The following HAUS4 variants were observed in gnomAD, a reference collection of about 807,000 sequenced individuals.
HAUS4 encodes HAUS augmin-like complex subunit 4.
HAUS4 carries 34 observed loss-of-function variants against 50.6 expected under a neutral mutation model. That is an observed-to-expected ratio of 0.67 (90% CI 0.51 to 0.90). HAUS4 has a LOEUF of 0.90. Among genes scored for constraint, HAUS4 ranks in the 40% least tolerant of loss-of-function variants. The probability of loss-of-function intolerance (pLI) is 0.00; values close to 1 mark genes in which losing one functional copy is unlikely to be tolerated. For missense variants in HAUS4, 370 were observed against 428.7 expected, an observed-to-expected ratio of 0.86 and a Z score of 1.21; for synonymous variants, 149 against 161.4, an observed-to-expected ratio of 0.92 and a Z score of 0.58.
intron 8 of HAUS4, 143 bp from the exon 9 acceptor site, chr14:22,947,382 T>A (rs2044664286): frequency 1.4e-5 from 10 of 740,614 alleles, no homozygotes; most frequent in Non-Finnish European, 2.3e-5. Flanking sequence ...TCCCGAGCAA[T>A]TGATCTCACA....
At chr14:22,950,151 A>C (rs1363498372) in intron 6 of HAUS4, among the ~76,000 whole-genome samples, 163 bp downstream of exon 6, 1 of 151,596 alleles carries the variant, frequency 6.6e-6, no homozygotes, top group East Asian at 1.9e-4. Flanking sequence ...AAACAAAAAA[A>C]CAAAAAGTCC....
At position 22,946,769 on chromosome 14, in the gene HAUS4, A is replaced by G. The variant is rs2044649570; in HGVS notation, c.909-61T>C. ...TGCTGCTCCTCAGAAAGTAGTGGAC[A>G]AAAATGAAAAACTTTTTTTTTTTTT... On this transcript the variant is annotated intron_variant, in intron 9 of 9. Coordinates refer to ENST00000541587, the MANE Select transcript of HAUS4 (RefSeq NM_001166269.2). 3 of 1,256,096 alleles carry G rather than the reference A, an allele frequency of 2.4e-6. No homozygotes were observed. The African/African-American group carries it at 4.6e-5, about 19-fold the overall frequency. 77.8% of individuals were successfully genotyped at this position (1,256,096 alleles called of 1,614,324 possible).
At chr14:22,947,771 A>G (rs2044671289) in intron 7 of HAUS4, 40 bp from the exon 8 acceptor site, 5 of 1,613,106 alleles carry the variant, frequency 3.1e-6, no homozygotes, top group Non-Finnish European at 4.2e-6. Flanking sequence ...ATAAATAAAG[A>G]TAGTAGAAAG....
Position 22,951,596 on chromosome 14 carries a change from G to C in HAUS4, c.424C>G (p.Leu142Val). The stretch of plus-strand genomic sequence containing the variant: ...AGTTCCAGAAGGTCCGCTTTCTCCA[G>C]CCCCAGCAGTGGAGGTATCTCCCTC... The part of the protein sequence containing the change: ...QEREIPPLLG[L>V]EKADLLELMP... Residue 142 changes from leucine to valine, a missense_variant, in exon 5 of 10, where the codon CTG becomes GTG. Transcript: ENST00000541587. 6.2e-7 allele frequency: 1 copy of C among 1,614,006 alleles called. No individual in the cohort carries two copies.
chr14:22,951,347 G>A, intron 5 of HAUS4: 2 of 600,796 alleles, frequency 3.3e-6, no homozygotes. Flanking sequence ...TACCATTTAT[G>A]TCAAGCTGTT....
At chr14:22,946,808 G>A (rs1268264346) in intron 9 of HAUS4, 100 bp from the exon 10 acceptor site, 9 of 776,268 alleles carry the variant, frequency 1.2e-5, no homozygotes, top group Non-Finnish European at 1.8e-5. Context: ...TTGTCAGATG[G>A]AGTCTCGCTC....
chr14:22,948,668 T>TG (rs2139295128), intron 6 of HAUS4, among the ~76,000 whole-genome samples: 1 of 150,382 alleles, frequency 6.6e-6, no homozygotes, highest in South Asian at 2.1e-4. Context: ...CCCAAGTAGC[T>TG]GGGATTACAG....
chr14:22,955,670 T>C (rs925771955), intron 1 of HAUS4: 2 of 153,086 alleles, frequency 1.3e-5, no homozygotes, highest in Non-Finnish European at 2.9e-5. Context: ...GTAGTTTTTT[T>C]TTTTTTTATC....
intron 1 of HAUS4, among the ~76,000 whole-genome samples, chr14:22,956,356 C>T (rs1055313191): frequency 1.3e-5 from 2 of 152,200 alleles, no homozygotes; most frequent in Non-Finnish European, 2.9e-5. Flanking sequence ...CAACAAAAGC[C>T]ACTACTTAGT....
At chr14:22,949,446 G>A (rs565950678) in intron 6 of HAUS4, among the ~76,000 whole-genome samples, 10 of 148,996 alleles carry the variant, frequency 6.7e-5, no homozygotes, top group African/African-American at 1.5e-4. Context: ...GGAGAATGGC[G>A]TGAACCTAGG....
intron 2 of HAUS4, among the ~76,000 whole-genome samples, chr14:22,953,044 G>A (rs1245106911): frequency 2.6e-5 from 4 of 152,072 alleles, no homozygotes; most frequent in African/African-American, 4.8e-5. Context: ...TGAAGTAGGG[G>A]GAAAGAAACA....
Position 22,946,491 on chromosome 14 carries a change from A to G in HAUS4, c.*34T>C. 1 of 1,561,106 alleles carries G rather than the reference A, an allele frequency of 6.4e-7. No individual in the cohort carries two copies. Among genetic ancestry groups the G allele is most frequent in the Non-Finnish European group, 8.8e-7 (1 of 1,141,128 alleles). ...GCAGGAAGATTAGGAGGCAGCAGCT[A>G]TGCAGAAGCCATGTCTCCTGGCCCT... On this transcript the variant is annotated 3_prime_UTR_variant, in exon 10 of 10. Coordinates refer to ENST00000541587, the MANE Select transcript of HAUS4 (RefSeq NM_001166269.2).
Position 22,946,711 on chromosome 14 carries a change from A to T in HAUS4, c.909-3T>A. The T allele has an allele frequency of 6.2e-7, 1 of 1,603,002 alleles. No homozygotes were observed. Among genetic ancestry groups the T allele is most frequent in the Non-Finnish European group, 8.5e-7 (1 of 1,174,056 alleles). On this transcript the variant is annotated splice_region_variant and splice_polypyrimidine_tract_variant and intron_variant, in intron 9 of 9. Coordinates refer to ENST00000541587, the MANE Select transcript of HAUS4 (RefSeq NM_001166269.2). ...GAATGGCTCCCTCCAAACGGTCCCT[A>T]AGAGCCCGGGCAGAGAAGGCACAAT...
chr14:22,950,964 C>G (rs1445173582), intron 5 of HAUS4, among the ~76,000 whole-genome samples: 1 of 152,152 alleles, frequency 6.6e-6, no homozygotes, highest in Non-Finnish European at 1.5e-5. Context: ...TATGTATTGA[C>G]TTGAAAAGAA....
In HAUS4 at chr14:22,952,757, CTT is replaced by C. The variant is rs2044778882; in HGVS notation, c.56-76_56-75del. ...TCTTACTTTACATAACTGAGCATAACTTAATACTTCCAAAAAACCCCTAGGAT... is the reference window on the plus strand; with the variant it reads ...TCTTACTTTACATAACTGAGCATAACAATACTTCCAAAAAACCCCTAGGAT... On this transcript the variant is annotated intron_variant, in intron 2 of 9. Coordinates refer to ENST00000541587, the MANE Select transcript of HAUS4 (RefSeq NM_001166269.2). 9.9e-6 allele frequency: 12 copies of C among 1,211,040 alleles called. No individual in the cohort carries two copies. The East Asian group carries it at 3.0e-4, about 31-fold the overall frequency. 75.0% of individuals were successfully genotyped at this position (1,211,040 alleles called of 1,614,324 possible).
At chr14:22,954,331 G>C (rs940390893) in intron 2 of HAUS4, 1 of 151,992 alleles carries the variant, frequency 6.6e-6, no homozygotes, top group African/African-American at 2.4e-5. Context: ...TTTCCCTAAG[G>C]TACTGAAGCA....
intron 9 of HAUS4, 27 bp downstream of exon 9, chr14:22,947,144 C>T: frequency 7.2e-7 from 1 of 1,392,188 alleles, no homozygotes; most frequent in East Asian, 2.3e-5. Flanking sequence ...CTGTGAACAG[C>T]TGTACCAGAC....
At chr14:22,954,691 C>T (rs1429056126) in intron 2 of HAUS4, 2 of 156,904 alleles carry the variant, frequency 1.3e-5, no homozygotes, top group African/African-American at 4.9e-5. Flanking sequence ...GAAACACATG[C>T]TTCTGTGAGG....
In HAUS4 at chr14:22,946,441, G is replaced by A. The variant is rs2044643874; in HGVS notation, c.*84C>T. ...TCCACACTCCCTTGTACTGAAGGCAGCCCCAGGTGAAGGTGGTCCCACTAG... is the reference window on the plus strand; with the variant it reads ...TCCACACTCCCTTGTACTGAAGGCAACCCCAGGTGAAGGTGGTCCCACTAG... On this transcript the variant is annotated 3_prime_UTR_variant, in exon 10 of 10. Transcript: ENST00000541587. 2.8e-6 allele frequency: 3 copies of A among 1,078,500 alleles called. No individual in the cohort carries two copies. The highest frequency in any genetic ancestry group is 1.6e-5 in the South Asian group (1 of 61,784). The allele number at this position is 1,078,500 out of a possible 1,614,324, so 66.8% of individuals were successfully genotyped here.
Sources: allele counts gnomAD v4.1 joint callset (sites outside exome capture counted in the v4.1 genomes callset), GRCh38; gene constraint gnomAD v4.1.1; transcripts MANE v1.5; gene names NCBI Gene and HGNC (gene_info 2026-07-23, HGNC 2026-07-21).